BBS7: variants seen among roughly 807,000 people sequenced by gnomAD.
The protein encoded by BBS7 is Bardet-Biedl syndrome 7.
Under a neutral mutation model 90.3 loss-of-function variants are expected in BBS7, and 50 were observed. That is an observed-to-expected ratio of 0.55 (90% confidence interval 0.44 to 0.70). The LOEUF is 0.70. Among genes scored for constraint, BBS7 ranks in the 30% least tolerant of loss-of-function variants. The pLI is 0.00. For missense variants in BBS7, 729 were observed against 838.9 expected, an observed-to-expected ratio of 0.87 and a Z score of 1.62; for synonymous variants, 235 against 287.4, an observed-to-expected ratio of 0.82 and a Z score of 1.85.
At chr4:121,849,917 T>C (rs189240301) in intron 8 of BBS7, among the ~76,000 whole-genome samples, 37 of 152,302 alleles carry the variant, frequency 2.4e-4, no homozygotes, top group African/African-American at 8.7e-4. Flanking sequence ...CACCATCTCT[T>C]ATGTGTATTC....
At position 121,847,455 on chromosome 4, in the gene BBS7, C is replaced by T. The variant is rs760802586; in HGVS notation, c.986G>A (p.Gly329Glu). Residue 329 changes from glycine to glutamate, a missense_variant, in exon 10 of 19, where the codon GGA becomes GAA. Transcript: ENST00000264499. ...CTCCTGATTAATTTTTAGTTCTTCT[C>T]CTGGTCCACTTTCCTTATGAATGGG... ...TEPIHKESGP[G>E]EELKINQEMQ... 6.2e-7 allele frequency: 1 copy of T among 1,613,672 alleles called. No homozygotes were observed. Among genetic ancestry groups the T allele is most frequent in the Admixed American group, 1.7e-5 (1 of 59,992 alleles).
intron 2 of BBS7, among the ~76,000 whole-genome samples, chr4:121,866,669 A>G (rs1238362720): frequency 6.6e-6 from 1 of 152,266 alleles, no homozygotes; most frequent in Non-Finnish European, 1.5e-5. Context: ...TCCCAGCACC[A>G]TTTATTGAAG....
intron 5 of BBS7, among the ~76,000 whole-genome samples, chr4:121,858,267 C>T (rs1219566460): frequency 6.6e-6 from 1 of 152,076 alleles, no homozygotes; most frequent in Non-Finnish European, 1.5e-5. Context: ...CACAGCTCAA[C>T]TTTTTCATCA....
intron 8 of BBS7, among the ~76,000 whole-genome samples, chr4:121,852,084 C>T (rs1422877895): frequency 6.6e-6 from 1 of 152,212 alleles, no homozygotes; most frequent in African/African-American, 2.4e-5. Flanking sequence ...ACTTTTTACA[C>T]CAAAACAAGA....
intron 7 of BBS7, 78 bp from the exon 8 acceptor site, chr4:121,853,164 A>C (rs1366554317): frequency 6.7e-7 from 1 of 1,483,236 alleles, no homozygotes; most frequent in African/African-American, 1.4e-5. Flanking sequence ...AGAATGAAAA[A>C]AACACACATA....
At chr4:121,868,957 C>A (rs1471033738) in intron 1 of BBS7, among the ~76,000 whole-genome samples, 1 of 152,104 alleles carries the variant, frequency 6.6e-6, no homozygotes, top group African/African-American at 2.4e-5. Context: ...GTATTAAAGT[C>A]ATCTGCTTAG....
intron 1 of BBS7, among the ~76,000 whole-genome samples, chr4:121,868,333 TAC>T (rs1407790995): frequency 6.6e-6 from 1 of 152,166 alleles, no homozygotes; most frequent in Non-Finnish European, 1.5e-5. Flanking sequence ...TCCAACTGCA[TAC>T]AGTTGTTCAG....
At chr4:121,858,402 T>C (rs1365253512) in intron 5 of BBS7, among the ~76,000 whole-genome samples, 2 of 152,098 alleles carry the variant, frequency 1.3e-5, no homozygotes, top group Non-Finnish European at 2.9e-5. Context: ...ATATATTTTA[T>C]TGAAAGTCAC....
At chr4:121,854,604 C>A (rs1726499044) in intron 7 of BBS7, 100 bp downstream of exon 7, 5 of 1,164,938 alleles carry the variant, frequency 4.3e-6, no homozygotes, top group Middle Eastern at 3.0e-4. Context: ...ATTGCTAAGT[C>A]TGCTATGTAG....
chr4:121,855,675 T>G, intron 5 of BBS7, 114 bp from the exon 6 acceptor site: 1 of 1,001,732 alleles, frequency 1.0e-6, no homozygotes, highest in Non-Finnish European at 1.5e-6. Context: ...TAGAATAAAA[T>G]TGCTTTAAAA....
chr4:121,857,076 A>G (rs1219581391), intron 5 of BBS7, among the ~76,000 whole-genome samples: 1 of 151,808 alleles, frequency 6.6e-6, no homozygotes, highest in Non-Finnish European at 1.5e-5. Flanking sequence ...GACTAAAAAA[A>G]GTTTAATGTT....
chr4:121,828,406 A>T lies in BBS7; in HGVS notation c.1886T>A (p.Leu629Ter). 6.2e-7 allele frequency: 1 copy of T among 1,613,182 alleles called. No individual in the cohort carries two copies. Among genetic ancestry groups the T allele is most frequent in the Non-Finnish European group, 8.5e-7 (1 of 1,179,204 alleles). The change falls in exon 17 of 19, where the codon TTA (leucine) becomes TAA (stop). Residue 629 changes from leucine to a stop codon, truncating the protein, a stop_gained. Coordinates refer to ENST00000264499, the MANE Select transcript of BBS7 (RefSeq NM_176824.3). LOFTEE classifies it high-confidence loss of function. Reference protein sequence around the residue: ...LAKKVQLIDALKELQIHEGNT... With the variant: ...LAKKVQLIDA ...CACGACGACACATGTACTTACTTTT[A>T]AAGCATCAATTAACTGCACTTTCTT...
At chr4:121,869,592 G>T (rs2149095867) in intron 1 of BBS7, among the ~76,000 whole-genome samples, 1 of 152,260 alleles carries the variant, frequency 6.6e-6, no homozygotes, top group South Asian at 2.1e-4. Context: ...CAGCTGGAGT[G>T]CAGTGGCATG....
At chr4:121,830,908 T>C (rs746907460) in intron 15 of BBS7, among the ~76,000 whole-genome samples, 5 of 152,212 alleles carry the variant, frequency 3.3e-5, no homozygotes, top group Non-Finnish European at 7.3e-5. Context: ...GAAATAAGTT[T>C]GTATAAAAAT....
intron 18 of BBS7, chr4:121,827,932 T>A: frequency 1.5e-6 from 2 of 1,341,716 alleles, no homozygotes; most frequent in East Asian, 5.7e-5. Context: ...TATACTTGCA[T>A]TTTATCAAGT....
chr4:121,827,187 A>AAG (rs1395071840), intron 18 of BBS7, among the ~76,000 whole-genome samples: 1 of 152,218 alleles, frequency 6.6e-6, no homozygotes, highest in African/African-American at 2.4e-5. Context: ...ATAAGGATAA[A>AAG]AGAGATCATG....
intron 13 of BBS7, among the ~76,000 whole-genome samples, chr4:121,837,210 G>A (rs1189599103): frequency 2.0e-5 from 3 of 151,998 alleles, no homozygotes; most frequent in Non-Finnish European, 4.4e-5. Context: ...CAAGTGATCC[G>A]CCTGCCTTGG....
rs1347524325 is a variant in BBS7 at position 121,825,113 on chromosome 4, A to G, written c.*747T>C. The G allele has an allele frequency of 2.1e-5, 3 of 142,778 alleles. No individual in the cohort carries two copies. Among genetic ancestry groups the G allele is most frequent in the African/African-American group, 7.3e-5 (3 of 41,240 alleles). The allele number at this position is 142,778 out of a possible 1,614,324, so 8.8% of individuals were successfully genotyped here. A position where few individuals can be genotyped will look rare whatever the true frequency, so the allele number is the denominator to read the frequency against. On this transcript the variant is annotated 3_prime_UTR_variant, in exon 19 of 19. Transcript: ENST00000264499. ...CACGCTGAATAGCTCCACTGGTTAC[A>G]GCATGTCTAATTAAGATCCCCCGAC... is the stretch of plus-strand genomic sequence containing the variant.
intron 1 of BBS7, among the ~76,000 whole-genome samples, chr4:121,868,893 C>T (rs1243032848): frequency 6.6e-6 from 1 of 151,934 alleles, no homozygotes; most frequent in Non-Finnish European, 1.5e-5. Context: ...AACAACACAT[C>T]ATGATAAAAC....
Sources: gnomAD v4.1 joint callset for allele counts (sites outside exome capture counted in the v4.1 genomes callset) on GRCh38, gnomAD v4.1.1 for gene constraint, MANE v1.5 for transcripts, NCBI Gene and HGNC (gene_info 2026-07-23, HGNC 2026-07-21) for gene names.